FAIM2: variants seen among roughly 807,000 people sequenced by gnomAD.
FAIM2 encodes the protein Fas apoptotic inhibitory molecule 2.
Under a neutral mutation model 47.4 loss-of-function variants are expected in FAIM2, and 27 were observed. That is an observed-to-expected ratio of 0.57 (90% CI 0.42 to 0.78). FAIM2 has a LOEUF of 0.78. FAIM2 is among the 30% of genes least tolerant of loss of function. The probability of loss-of-function intolerance (pLI) is 0.00; values close to 1 mark genes in which losing one functional copy is unlikely to be tolerated. For synonymous variants in FAIM2, 156 were observed against 159.3 expected, an observed-to-expected ratio of 0.98 and a Z score of 0.16; for missense variants, 311 against 389.4, an observed-to-expected ratio of 0.80 and a Z score of 1.69.
chr12:49,884,256 G>A (rs1946845831), intron 11 of FAIM2, among the ~76,000 whole-genome samples: 1 of 151,702 alleles, frequency 6.6e-6, no homozygotes, highest in South Asian at 2.1e-4. Context: ...CAGAGAGAGA[G>A]AGAGAATGGG....
At chr12:49,889,013 T>C in intron 10 of FAIM2, 94 bp downstream of exon 10, 1 of 911,414 alleles carries the variant, frequency 1.1e-6, no homozygotes, top group South Asian at 1.4e-5. Flanking sequence ...CCTTGGCTCC[T>C]GGCCTTCCCT....
At chr12:49,888,980 G>A (rs372881868) in intron 10 of FAIM2, 127 bp downstream of exon 10, 35 of 707,832 alleles carry the variant, frequency 4.9e-5, no homozygotes, top group East Asian at 3.0e-4. Context: ...AGGAGGGGCC[G>A]CACAGGATGG....
At chr12:49,875,846 GGCACCTGTAATCCCA>G (rs1366232070) in intron 11 of FAIM2, among the ~76,000 whole-genome samples, 8 of 151,994 alleles carry the variant, frequency 5.3e-5, no homozygotes, top group Admixed American at 5.2e-4. Flanking sequence ...CGTGGTGGTG[GGCACCTGTAATCCCA>G]GCTACTTGGG....
chr12:49,872,803 G>A (rs1946712087), intron 11 of FAIM2, among the ~76,000 whole-genome samples: 1 of 152,198 alleles, frequency 6.6e-6, no homozygotes, highest in Non-Finnish European at 1.5e-5. Context: ...AGGCCTGTGA[G>A]TCCCTATGTG....
chr12:49,877,710 T>C (rs536149806), intron 11 of FAIM2, among the ~76,000 whole-genome samples: 20 of 152,326 alleles, frequency 1.3e-4, no homozygotes, highest in African/African-American at 4.6e-4. Flanking sequence ...GGTATGTGTG[T>C]GCGCGCACAC....
intron 11 of FAIM2, among the ~76,000 whole-genome samples, chr12:49,884,802 G>A (rs1363031207): frequency 2.0e-5 from 3 of 152,280 alleles, no homozygotes; most frequent in Middle Eastern, 3.4e-3. Flanking sequence ...GTGAAAGCTC[G>A]TCTCTACTAA....
intron 11 of FAIM2, among the ~76,000 whole-genome samples, chr12:49,879,700 A>G (rs977185789): frequency 1.7e-5 from 1 of 59,226 alleles, no homozygotes; most frequent in African/African-American, 7.8e-5. Flanking sequence ...GTCTGTGTGC[A>G]TGTGTGTGTG....
At chr12:49,893,147 A>G (rs1237971091) in intron 5 of FAIM2, among the ~76,000 whole-genome samples, 2 of 152,120 alleles carry the variant, frequency 1.3e-5, no homozygotes, top group Non-Finnish European at 2.9e-5. Flanking sequence ...GGCAGATCCA[A>G]TCATTTGACT....
chr12:49,892,524 A>G (rs1384733204), intron 5 of FAIM2, among the ~76,000 whole-genome samples: 2 of 152,166 alleles, frequency 1.3e-5, no homozygotes, highest in African/African-American at 4.8e-5. Context: ...TATTGAGTGC[A>G]GTGGATGCTT....
intron 5 of FAIM2, among the ~76,000 whole-genome samples, chr12:49,894,384 G>A (rs111651155): frequency 0.032 from 4,804 of 152,228 alleles, 91 homozygotes; most frequent in Middle Eastern, 0.075. Context: ...CTCCACCACC[G>A]CAGACACGGT....
chr12:49,871,920 C>T (rs1946706041), intron 11 of FAIM2, among the ~76,000 whole-genome samples: 1 of 152,170 alleles, frequency 6.6e-6, no homozygotes, highest in Admixed American at 6.5e-5. Flanking sequence ...CCCGCCTCGG[C>T]CTCTCAAAGT....
rs1477400506 is a variant in FAIM2 at position 49,890,627 on chromosome 12, C to G, written c.525+56G>C. The G allele has an allele frequency of 4.5e-6, 7 of 1,540,302 alleles. No individual in the cohort carries two copies. The East Asian group carries it at 1.6e-4, about 35-fold the overall frequency. On this transcript the variant is annotated intron_variant, in intron 7 of 11. Transcript: ENST00000320634. ...CCTGGTCCTCAATCCACCCTGCTTC[C>G]CTTCTTCCTCCATCCCCACTCAGCG... is the stretch of plus-strand genomic sequence containing the variant.
At chr12:49,876,770 TAA>T (rs1326619753) in intron 11 of FAIM2, among the ~76,000 whole-genome samples, 1 of 146,674 alleles carries the variant, frequency 6.8e-6, no homozygotes, top group African/African-American at 2.5e-5. Flanking sequence ...AGACTCCATT[TAA>T]AAAAAAAAAG....
chr12:49,878,089 AGTGCATGTGT>A (rs138878564), intron 11 of FAIM2, among the ~76,000 whole-genome samples: 16,626 of 111,854 alleles, frequency 0.15, 1,377 homozygotes, highest in Middle Eastern at 0.21. Context: ...TGTGCATGTG[AGTGCATGTGT>A]GTGCATGTGT....
At chr12:49,887,737 C>T (rs1272001674) in intron 10 of FAIM2, among the ~76,000 whole-genome samples, 1 of 151,338 alleles carries the variant, frequency 6.6e-6, no homozygotes, top group Non-Finnish European at 1.5e-5. Flanking sequence ...TCGGTGGGCC[C>T]TGTCCTCCCT....
intron 11 of FAIM2, among the ~76,000 whole-genome samples, chr12:49,882,694 C>A (rs75521991): frequency 6.7e-4 from 102 of 152,300 alleles, no homozygotes; most frequent in African/African-American, 2.4e-3. Flanking sequence ...AACCACATAG[C>A]CTGTGCGTCC....
At chr12:49,887,233 A>G (rs1946867822) in intron 11 of FAIM2, among the ~76,000 whole-genome samples, 153 bp downstream of exon 11, 1 of 152,018 alleles carries the variant, frequency 6.6e-6, no homozygotes, top group Non-Finnish European at 1.5e-5. Flanking sequence ...CCAAATGAAC[A>G]AACAAACAAA....
chr12:49,873,712 A>G (rs1946717729), intron 11 of FAIM2, among the ~76,000 whole-genome samples: 1 of 152,080 alleles, frequency 6.6e-6, no homozygotes, highest in Non-Finnish European at 1.5e-5. Context: ...GAGGAATGAA[A>G]TGATTTCTGC....
chr12:49,899,176 C>T (rs146557580), intron 2 of FAIM2, among the ~76,000 whole-genome samples: 20 of 152,232 alleles, frequency 1.3e-4, no homozygotes, highest in Non-Finnish European at 2.5e-4. Flanking sequence ...ACATGAAAGC[C>T]TCCAGGTCTG....
Sources: gnomAD v4.1 joint callset for allele counts (sites outside exome capture counted in the v4.1 genomes callset) on GRCh38, gnomAD v4.1.1 for gene constraint, MANE v1.5 for transcripts, NCBI Gene and HGNC (gene_info 2026-07-23, HGNC 2026-07-21) for gene names.